The following NECAP2 variants were observed in gnomAD, a reference collection of about 807,000 sequenced individuals.
The protein encoded by NECAP2 is NECAP endocytosis associated 2, also known as adaptin ear-binding coat-associated protein 2.
In NECAP2, 38 loss-of-function variants were observed where a neutral mutation model predicts 37.8. The ratio of observed to expected loss-of-function variants is 1.01; its 90% CI spans 0.78 to 1.32. The LOEUF is 1.32. NECAP2 is among the 40% of genes most tolerant of loss of function. The pLI is 0.00. For synonymous variants in NECAP2, 121 were observed against 127.7 expected (o/e 0.95, Z 0.35); for missense variants, 316 against 334.5 (o/e 0.94, Z 0.43).
rs1250682957 is a variant in NECAP2 at position 16,443,713 on chromosome 1, G to A, written c.174G>A (p.Lys58=). The A allele has an allele frequency of 6.2e-7, 1 of 1,612,882 alleles. No homozygotes were observed. Among genetic ancestry groups the A allele is most frequent in the East Asian group, 2.2e-5 (1 of 44,870 alleles). The change falls in exon 2 of 8, where the codon AAG becomes AAA. Residue 58 remains lysine (K), a synonymous_variant. Coordinates refer to ENST00000337132, the MANE Select transcript of NECAP2 (RefSeq NM_018090.5). ...ITAKGQMAYI[K]LEDRTSGELF... ...CAAAGGGACAGATGGCCTACATCAAGCTGGAGGACAGGACGTCAGGTAACC... is the reference window on the plus strand; with the variant it reads ...CAAAGGGACAGATGGCCTACATCAAACTGGAGGACAGGACGTCAGGTAACC...
At chr1:16,443,017 T>A (rs1178934969) in intron 1 of NECAP2, among the ~76,000 whole-genome samples, 1 of 152,236 alleles carries the variant, frequency 6.6e-6, no homozygotes, top group Admixed American at 6.5e-5. Flanking sequence ...GTACTGTTGT[T>A]CTCCTTTTCT....
At chr1:16,449,225 G>A (rs778322629) in intron 5 of NECAP2, 24 bp downstream of exon 5, 2 of 1,546,210 alleles carry the variant, frequency 1.3e-6, no homozygotes, top group South Asian at 1.2e-5. Flanking sequence ...TTGCTTGGCT[G>A]TGGTGACGTG....
chr1:16,444,415 T>A (rs570673609), intron 2 of NECAP2, among the ~76,000 whole-genome samples: 2 of 152,304 alleles, frequency 1.3e-5, no homozygotes, highest in South Asian at 4.1e-4. Context: ...GAGATTTTCC[T>A]TTGTAGAGCA....
At chr1:16,441,011 T>C (rs2783371) in intron 1 of NECAP2, among the ~76,000 whole-genome samples, 158 bp downstream of exon 1, 151,832 of 152,302 alleles carry the variant, frequency 1, 75,682 homozygotes, top group Middle Eastern at 1. Context: ...AGCAGGGAGG[T>C]GGATCCAGAG....
intron 6 of NECAP2, among the ~76,000 whole-genome samples, chr1:16,454,684 C>G (rs2086893227): frequency 6.6e-6 from 1 of 152,174 alleles, no homozygotes; most frequent in South Asian, 2.1e-4. Flanking sequence ...AAAATCACTT[C>G]TCCATGCCTC....
chr1:16,451,166 T>G (rs1414905711), intron 5 of NECAP2: 3 of 152,284 alleles, frequency 2.0e-5, no homozygotes, highest in Non-Finnish European at 4.4e-5. Context: ...GATTTCTTTC[T>G]TTTACTCAAT....
chr1:16,455,783 C>T, intron 6 of NECAP2, 35 bp from the exon 7 acceptor site: 3 of 1,575,168 alleles, frequency 1.9e-6, no homozygotes, highest in Non-Finnish European at 2.6e-6. Context: ...GTCCCCTCTT[C>T]TCTTCCTACG....
At chr1:16,448,372 G>C (rs2086793745) in intron 4 of NECAP2, 1 of 572,880 alleles carries the variant, frequency 1.7e-6, no homozygotes, top group South Asian at 2.0e-5. Context: ...CCTGCCACCT[G>C]TCTCCCCTTA....
In NECAP2 at chr1:16,448,147, TG is replaced by T. The variant is rs766621811; in HGVS notation, c.380+9del. The stretch of plus-strand genomic sequence containing the variant: ...GCATTGCAGGACCATTTCAAGTGAG[TG>T]GGTCTGGGAGACACACGCTCATGCC... On this transcript the variant is annotated splice_region_variant and intron_variant, in intron 4 of 7. Coordinates refer to ENST00000337132, the MANE Select transcript of NECAP2 (RefSeq NM_018090.5). 4.3e-6 allele frequency: 7 copies of T among 1,613,058 alleles called. No homozygotes were observed. The African/African-American group carries it at 9.4e-5, about 22-fold the overall frequency.
intron 1 of NECAP2, among the ~76,000 whole-genome samples, chr1:16,442,741 A>G (rs1359225918): frequency 6.6e-6 from 1 of 152,162 alleles, no homozygotes; most frequent in Non-Finnish European, 1.5e-5. Context: ...CAGCCTGGGC[A>G]ACATAGACCC....
At chr1:16,442,785 G>A (rs1163991905) in intron 1 of NECAP2, among the ~76,000 whole-genome samples, 1 of 152,110 alleles carries the variant, frequency 6.6e-6, no homozygotes, top group Non-Finnish European at 1.5e-5. Flanking sequence ...GGCCTGGTGT[G>A]TTGGTACACA....
intron 5 of NECAP2, chr1:16,450,249 T>G (rs761603326): frequency 1.6e-5 from 5 of 314,768 alleles, no homozygotes; most frequent in Admixed American, 4.5e-5. Flanking sequence ...CAGGTAGTGG[T>G]TTTTTTTTGT....
intron 4 of NECAP2, among the ~76,000 whole-genome samples, chr1:16,448,759 A>C (rs777394064): frequency 6.6e-6 from 1 of 152,076 alleles, no homozygotes; most frequent in African/African-American, 2.4e-5. Flanking sequence ...TTCTCATGTC[A>C]TATACTGTAG....
At chr1:16,445,858 T>G (rs1243684659) in intron 2 of NECAP2, among the ~76,000 whole-genome samples, 1 of 147,534 alleles carries the variant, frequency 6.8e-6, no homozygotes, top group East Asian at 2.0e-4. Flanking sequence ...GAGCCGAGAT[T>G]GCGCCACTGC....
At chr1:16,456,367 C>T (rs1196780453) in intron 7 of NECAP2, among the ~76,000 whole-genome samples, 2 of 152,170 alleles carry the variant, frequency 1.3e-5, no homozygotes, top group African/African-American at 4.8e-5. Context: ...AGAGCCCCAG[C>T]GTGCCTGCTT....
intron 5 of NECAP2, chr1:16,451,316 C>T (rs1328926414): frequency 1.3e-5 from 2 of 153,030 alleles, no homozygotes; most frequent in Non-Finnish European, 2.9e-5. Flanking sequence ...CAGTTTGGGG[C>T]GATTACAAAT....
chr1:16,458,780 T>C, intron 7 of NECAP2, 62 bp from the exon 8 acceptor site: 1 of 1,580,476 alleles, frequency 6.3e-7, no homozygotes, highest in Admixed American at 1.8e-5. Context: ...AAACCAACTT[T>C]TATCTGCTTT....
intron 7 of NECAP2, among the ~76,000 whole-genome samples, chr1:16,457,137 G>A (rs1009901979): frequency 2.6e-5 from 4 of 152,204 alleles, no homozygotes; most frequent in African/African-American, 9.6e-5. Context: ...GCATGGCTGT[G>A]TGCCAGTAAA....
At chr1:16,450,269 T>A (rs1428443711) in intron 5 of NECAP2, 2 of 371,848 alleles carry the variant, frequency 5.4e-6, no homozygotes, top group African/African-American at 5.4e-5. Context: ...TTTTGTTTTG[T>A]TTTTTGTTTT....
Sources: allele counts gnomAD v4.1 joint callset (sites outside exome capture counted in the v4.1 genomes callset), GRCh38; gene constraint gnomAD v4.1.1; transcripts MANE v1.5; gene names NCBI Gene and HGNC (gene_info 2026-07-23, HGNC 2026-07-21).